The following LRRC56 variants were observed in gnomAD, a reference collection of about 807,000 sequenced individuals.
LRRC56 encodes leucine rich repeat containing 56.
LRRC56 carries 41 observed loss-of-function variants against 47.8 expected under a neutral mutation model. That is an observed-to-expected ratio of 0.86 (90% CI 0.67 to 1.11). LRRC56 has a LOEUF of 1.11. LRRC56 is among the 50% of genes most tolerant of loss of function. LRRC56 has a pLI of 0.00. For missense variants in LRRC56, 759 were observed against 704.2 expected, an observed-to-expected ratio of 1.08 and a Z score of -0.88; for synonymous variants, 387 against 311.2, an observed-to-expected ratio of 1.24 and a Z score of -2.56.
chr11:512,817 A>C, the LRRC56 span, among the ~76,000 whole-genome samples: 1 of 152,348 alleles, frequency 6.6e-6, no homozygotes, highest in Middle Eastern at 3.4e-3. Flanking sequence ...GAGGGCAGGC[A>C]AGACCCACAG....
upstream of LRRC56, among the ~76,000 whole-genome samples, chr11:536,447 G>A (rs1054294119): frequency 6.6e-6 from 1 of 152,202 alleles, no homozygotes; most frequent in South Asian, 2.1e-4. Flanking sequence ...TTTTAAAATT[G>A]CAAAGGAATC....
rs774695970 is a variant in LRRC56, at chr11:552,260, G to C, written c.1181+28G>C. On this transcript the variant is annotated intron_variant, in intron 12 of 13. Transcript: ENST00000270115. Reference sequence around the variant, plus strand: ...GGGTGTCCCTCCAGCTCTTCCACTGGGTGTGTCCTGTCCCGTGGGGAAATC... The same window carrying C: ...GGGTGTCCCTCCAGCTCTTCCACTGCGTGTGTCCTGTCCCGTGGGGAAATC... 6 of 1,595,932 alleles carry C rather than the reference G, an allele frequency of 3.8e-6. No homozygotes were observed. The African/African-American group carries it at 8.0e-5, about 21-fold the overall frequency.
chr11:523,122 A>G, the LRRC56 span, among the ~76,000 whole-genome samples: 2 of 151,616 alleles, frequency 1.3e-5, no homozygotes, highest in Non-Finnish European at 2.9e-5. Context: ...TCCACCTCCC[A>G]GGTTCAAGCG....
At chr11:553,358 G>A (rs1442676900) in intron 13 of LRRC56, among the ~76,000 whole-genome samples, 1 of 152,196 alleles carries the variant, frequency 6.6e-6, no homozygotes, top group African/African-American at 2.4e-5. Flanking sequence ...TGGTTAAGGG[G>A]GCTGGGATGG....
the LRRC56 span, among the ~76,000 whole-genome samples, chr11:524,039 C>A: frequency 2.6e-5 from 4 of 152,152 alleles, no homozygotes; most frequent in Admixed American, 2.0e-4. Flanking sequence ...GACATACTAT[C>A]ATACAGGTAT....
chr11:554,051 G>C lies in LRRC56; in HGVS notation c.1404G>C (p.Trp468Cys), dbSNP rs762804644. 3.4e-5 allele frequency: 55 copies of C among 1,611,586 alleles called. No individual in the cohort carries two copies. The highest frequency in any genetic ancestry group is 4.5e-5 in the Non-Finnish European group (53 of 1,179,666). ...ATTCTGGCAGCAGCTCCCCGCGGTGGTCGACAGACCTGCAGTCCAGGGGGC... is the reference window on the plus strand; with the variant it reads ...ATTCTGGCAGCAGCTCCCCGCGGTGCTCGACAGACCTGCAGTCCAGGGGGC... Reference protein sequence around the residue: ...PRDSGSSSPRWSTDLQSRGRR... With the variant: ...PRDSGSSSPRCSTDLQSRGRR... Residue 468 changes from tryptophan (W) to cysteine (C), a missense_variant, in exon 14 of 14, where the codon TGG (tryptophan) becomes TGC (cysteine). Coordinates refer to ENST00000270115, the MANE Select transcript of LRRC56 (RefSeq NM_198075.4).
upstream of LRRC56, chr11:536,788 C>T (rs1309785418): frequency 6.6e-6 from 1 of 152,280 alleles, no homozygotes; most frequent in Non-Finnish European, 1.5e-5. Context: ...GTTTTACAGT[C>T]AGGCAAACCC....
upstream of LRRC56, chr11:533,182 C>A: frequency 1.7e-6 from 2 of 1,166,040 alleles, no homozygotes; most frequent in South Asian, 3.0e-5. Context: ...AGGACCTCCG[C>A]CTTCCCCGGA....
chr11:541,452 C>A lies in LRRC56; in HGVS notation c.178-85C>A. 1.3e-6 allele frequency: 1 copy of A among 744,808 alleles called. No homozygotes were observed. Among genetic ancestry groups the A allele is most frequent in the Non-Finnish European group, 2.1e-6 (1 of 476,918 alleles). 46.1% of individuals were successfully genotyped at this position (744,808 alleles called of 1,614,324 possible). A position where few individuals can be genotyped will look rare whatever the true frequency, so the allele number is the denominator to read the frequency against. On this transcript the variant is annotated intron_variant, in intron 4 of 13. Transcript: ENST00000270115. The surrounding 1 kb of genome is among the most constrained non-coding windows in gnomAD (Gnocchi z 4.1). ...ACGTCGGTGCCTGCTCCAGCGGGAG[C>A]CCCAGAGTCCTGTAGCCAGAAGCAA...
the LRRC56 span, among the ~76,000 whole-genome samples, chr11:522,572 G>A: frequency 1.3e-5 from 2 of 151,450 alleles, no homozygotes; most frequent in African/African-American, 4.9e-5. Context: ...GGCCATTTCT[G>A]TACTTTTTGT....
chr11:517,928 C>T, the LRRC56 span, among the ~76,000 whole-genome samples: 1 of 152,186 alleles, frequency 6.6e-6, no homozygotes, highest in Non-Finnish European at 1.5e-5. Context: ...GGATTAAGGG[C>T]GGTGCCAGAT....
At chr11:511,791 A>G in the LRRC56 span, among the ~76,000 whole-genome samples, 1 of 152,194 alleles carries the variant, frequency 6.6e-6, no homozygotes, top group East Asian at 1.9e-4. Context: ...ACACTCCCAC[A>G]GGGCCCTGTC....
chr11:532,816 G>A (rs2133983038), upstream of LRRC56: 1 of 1,540,502 alleles, frequency 6.5e-7, no homozygotes, highest in South Asian at 1.1e-5. Flanking sequence ...TGGGTGAGGG[G>A]CTCCCTGCTG....
At chr11:532,732 C>T (rs747269683), upstream of LRRC56, 11 of 1,612,970 alleles carry the variant, frequency 6.8e-6, no homozygotes, top group East Asian at 4.5e-5. Flanking sequence ...CACGCACCAA[C>T]GTGTAGAAGG....
At chr11:519,278 TGATACACAGGTGAGCTTTATTAGAACGC>T in the LRRC56 span, among the ~76,000 whole-genome samples, 217 of 148,630 alleles carry the variant, frequency 1.5e-3, 7 homozygotes, top group Middle Eastern at 3.5e-3. Context: ...GAACGCGGGC[TGATACACAGGTGAGCTTTATTAGAACGC>T]GGGCTGATAC....
chr11:526,893 C>A, the LRRC56 span, among the ~76,000 whole-genome samples: 1,037 of 151,970 alleles, frequency 6.8e-3, 11 homozygotes, highest in African/African-American at 0.024. Context: ...GCCAAGATCA[C>A]GCCACTGCAC....
the LRRC56 span, among the ~76,000 whole-genome samples, chr11:516,563 G>A: frequency 0.05 from 7,553 of 152,160 alleles, 246 homozygotes; most frequent in South Asian, 0.095. Flanking sequence ...ACACCATGAC[G>A]CAGTGAAATT....
intron 4 of LRRC56, 60 bp downstream of exon 4, chr11:540,921 C>T: frequency 6.8e-6 from 9 of 1,319,134 alleles, no homozygotes; most frequent in Non-Finnish European, 9.2e-6. Context: ...CATCCCAGGG[C>T]TCCTTCCTGC....
chr11:521,901 C>G, the LRRC56 span, among the ~76,000 whole-genome samples: 18 of 140,832 alleles, frequency 1.3e-4, no homozygotes, highest in African/African-American at 5.0e-4. Context: ...GATGACAGAG[C>G]AAGACTCCGT....
Sources: allele counts gnomAD v4.1 joint callset (sites outside exome capture counted in the v4.1 genomes callset), GRCh38; gene constraint gnomAD v4.1.1; non-coding constraint Gnocchi (gnomAD v3.1); transcripts MANE v1.5; gene names NCBI Gene and HGNC (gene_info 2026-07-23, HGNC 2026-07-21).